UBIAD1: variants seen among roughly 807,000 people sequenced by gnomAD.
UBIAD1 encodes ubiA prenyltransferase domain-containing protein 1.
In UBIAD1, 12 loss-of-function variants were observed where a neutral mutation model predicts 20.1. That is an observed-to-expected ratio of 0.60 (90% confidence interval 0.38 to 0.97). The LOEUF (loss-of-function observed/expected upper bound fraction) is 0.97. Among genes scored for constraint, UBIAD1 ranks in the 50% least tolerant of loss-of-function variants. UBIAD1 has a pLI of 0.00. For synonymous variants in UBIAD1, 207 were observed against 189.2 expected (o/e 1.09, Z -0.77); for missense variants, 333 against 419.5 (o/e 0.79, Z 1.80).
downstream of UBIAD1, among the ~76,000 whole-genome samples, chr1:11,296,601 C>G (rs1280096520): frequency 1.3e-5 from 2 of 152,184 alleles, no homozygotes; most frequent in African/African-American, 4.8e-5. Context: ...TTACTGCAGC[C>G]TCAACCTCCC....
rs1638267506 is a variant in UBIAD1 at position 11,286,676 on chromosome 1, C to T, written c.*545C>T. 1.2e-5 allele frequency: 2 copies of T among 162,184 alleles called. No individual in the cohort carries two copies. The highest frequency in any genetic ancestry group is 3.3e-4 in the South Asian group (2 of 6,016). The allele number at this position is 162,184 out of a possible 1,614,324, so 10.0% of individuals were successfully genotyped here. A position where few individuals can be genotyped will look rare whatever the true frequency, so the allele number is the denominator to read the frequency against. ...ACAGAGAGAGTCCCTCATTAACAGC[C>T]TGTGTGGCTGTCAGCTTTTTGCCTA... On this transcript the variant is annotated 3_prime_UTR_variant, in exon 2 of 2. Coordinates refer to ENST00000376810, the MANE Select transcript of UBIAD1 (RefSeq NM_013319.3).
chr1:11,275,775 A>G (rs1252822463), intron 1 of UBIAD1, among the ~76,000 whole-genome samples: 2 of 152,164 alleles, frequency 1.3e-5, no homozygotes, highest in African/African-American at 2.4e-5. Context: ...GTTACATTGA[A>G]GGAGGTAAGA....
At chr1:11,281,095 C>T (rs939066878) in intron 1 of UBIAD1, among the ~76,000 whole-genome samples, 1 of 152,118 alleles carries the variant, frequency 6.6e-6, no homozygotes, top group African/African-American at 2.4e-5. Flanking sequence ...CCTCCTGCCC[C>T]TCCCTCAGGT....
At chr1:11,297,118 G>A (rs903553554), downstream of UBIAD1, among the ~76,000 whole-genome samples, 1 of 152,220 alleles carries the variant, frequency 6.6e-6, no homozygotes, top group Non-Finnish European at 1.5e-5. Context: ...ACTCTCTGCT[G>A]TGGTTTGAAT....
At chr1:11,296,421 G>T (rs1638449013), downstream of UBIAD1, among the ~76,000 whole-genome samples, 1 of 152,196 alleles carries the variant, frequency 6.6e-6, no homozygotes, top group African/African-American at 2.4e-5. Context: ...GATAGGATTT[G>T]CCCTGTAGGG....
chr1:11,280,949 C>G (rs960689098), intron 1 of UBIAD1, among the ~76,000 whole-genome samples: 1 of 152,154 alleles, frequency 6.6e-6, no homozygotes, highest in East Asian at 1.9e-4. Flanking sequence ...AGGGTCTTTA[C>G]AGTGACTCCC....
rs776351693 is a variant in UBIAD1 at position 11,285,724 on chromosome 1, G to A, written c.610G>A (p.Ala204Thr). ...CCCGCTGGCTGTGATGTTCGCCTAC[G>A]CCATCCAGGTGGGGTCCCTGGCCAT... ...FGPLAVMFAY[A>T]IQVGSLAIFP... Residue 204 changes from alanine (A) to threonine (T), a missense_variant, in exon 2 of 2, where the codon GCC becomes ACC. Ala to Thr is a moderately conservative substitution (Grantham distance 58). Coordinates refer to ENST00000376810, the MANE Select transcript of UBIAD1 (RefSeq NM_013319.3). This position sits in a 1 kb window ranked among gnomAD's most constrained non-coding sequence, Gnocchi z 4.4. 7 of 1,613,964 alleles carry A rather than the reference G, an allele frequency of 4.3e-6. No homozygotes were observed. In the African/African-American group the frequency reaches 5.3e-5, roughly 12 times the overall value.
In UBIAD1 at chr1:11,273,780, C is replaced by T. The variant is rs748733413; in HGVS notation, c.249C>T (p.Leu83=). ...YRSHGVLDPR[L]LVGCAVAVLA... is the part of the protein sequence containing the mutation. ...CCCACGGTGTCCTGGATCCCAGGCT[C>T]TTGGTGGGTTGTGCCGTGGCTGTCC... The change falls in exon 1 of 2, where the codon CTC becomes CTT. Residue 83 remains leucine (L), a synonymous_variant. Coordinates refer to ENST00000376810, the MANE Select transcript of UBIAD1 (RefSeq NM_013319.3). The surrounding 1 kb of genome is among the most constrained non-coding windows in gnomAD (Gnocchi z 4.9). 1.9e-6 allele frequency: 3 copies of T among 1,614,122 alleles called. No homozygotes were observed. The highest frequency in any genetic ancestry group is 1.6e-4 in the Middle Eastern group (1 of 6,062).
In UBIAD1 at chr1:11,285,549, T is replaced by C; in HGVS notation, c.530-95T>C. The C allele has an allele frequency of 6.3e-7, 1 of 1,588,474 alleles. No homozygotes were observed. Among genetic ancestry groups the C allele is most frequent in the East Asian group, 2.2e-5 (1 of 44,724 alleles). Reference sequence around the variant, plus strand: ...ACCTGCACAGTCTAAGGATTTACCATTTTCAGCCGGAAGTGGCCTGCCTCT... The same window carrying C: ...ACCTGCACAGTCTAAGGATTTACCACTTTCAGCCGGAAGTGGCCTGCCTCT... On this transcript the variant is annotated intron_variant, in intron 1 of 1. Coordinates refer to ENST00000376810, the MANE Select transcript of UBIAD1 (RefSeq NM_013319.3). This position sits in a 1 kb window ranked among gnomAD's most constrained non-coding sequence, Gnocchi z 4.4.
intron 1 of UBIAD1, among the ~76,000 whole-genome samples, chr1:11,276,782 G>A (rs1265605432): frequency 6.7e-6 from 1 of 149,186 alleles, no homozygotes; most frequent in African/African-American, 2.5e-5. Context: ...AAAACTGTAA[G>A]CAAATATTTA....
chr1:11,285,754 C>G lies in UBIAD1; in HGVS notation c.640C>G (p.Pro214Ala). The G allele has an allele frequency of 6.2e-7, 1 of 1,614,180 alleles. No homozygotes were observed. Among genetic ancestry groups the G allele is most frequent in the Non-Finnish European group, 8.5e-7 (1 of 1,180,032 alleles). The change falls in exon 2 of 2, where the codon CCA (proline) becomes GCA (alanine). Residue 214 changes from proline (P) to alanine (A), a missense_variant. Pro to Ala is a conservative substitution (Grantham distance 27, BLOSUM62 -1). Around this residue, in one of 3 missense-constraint regions of UBIAD1, gnomAD observed 226 missense variants for 263.5 expected, o/e 0.86. Coordinates refer to ENST00000376810, the MANE Select transcript of UBIAD1 (RefSeq NM_013319.3). The surrounding 1 kb of genome is among the most constrained non-coding windows in gnomAD (Gnocchi z 4.4). ...AIQVGSLAIF[P>A]LVYAIPLALS... ...CCAGGTGGGGTCCCTGGCCATCTTC[C>G]CACTGGTCTATGCCATCCCCCTCGC...
rs746947285 is a variant in UBIAD1, at chr1:11,285,798, T to C, written c.684T>C (p.Ile228=). 1.9e-6 allele frequency: 3 copies of C among 1,614,110 alleles called. No homozygotes were observed. The Admixed American group carries it at 5.0e-5, about 27-fold the overall frequency. ...AIPLALSTEA[I]LHSNNTRDME... ...CCCTCGCCCTCAGCACCGAGGCCAT[T>C]CTCCATTCCAACAACACCAGGGACA... Residue 228 remains isoleucine, a synonymous_variant, in exon 2 of 2, where the codon ATT becomes ATC. Coordinates refer to ENST00000376810, the MANE Select transcript of UBIAD1 (RefSeq NM_013319.3). The surrounding 1 kb of genome is among the most constrained non-coding windows in gnomAD (Gnocchi z 4.4).
intron 1 of UBIAD1, among the ~76,000 whole-genome samples, chr1:11,279,516 C>T (rs960602650): frequency 1.3e-5 from 2 of 152,092 alleles, no homozygotes; most frequent in Admixed American, 6.5e-5. Flanking sequence ...CTCTGCCTCC[C>T]GGGTTCAAGT....
rs138457245 is a variant in UBIAD1, at chr1:11,283,656, G to A, written c.530-1988G>A. Among the ~76,000 whole-genome samples, 1,183 of 152,242 alleles carry A rather than the reference G, an allele frequency of 7.8e-3. 21 individuals carry two copies. The highest frequency in any genetic ancestry group is 0.026 in the African/African-American group (1,085 of 41,532). ...CTTTGTTCTGAAGAACTAAGGGTGT[G>A]TATTTAGCACCAAGGGACCCCAGCT... is the stretch of plus-strand genomic sequence containing the variant. On this transcript the variant is annotated intron_variant, in intron 1 of 1. Transcript: ENST00000376810.
At chr1:11,275,929 A>G (rs1652007738) in intron 1 of UBIAD1, among the ~76,000 whole-genome samples, 2 of 152,166 alleles carry the variant, frequency 1.3e-5, no homozygotes, top group Non-Finnish European at 1.5e-5. Context: ...AGGAGAGAGT[A>G]AAGAGAGGTA....
Position 11,286,121 on chromosome 1 carries a change from C to G in UBIAD1, c.1007C>G (p.Pro336Arg), listed in dbSNP as rs968525920. 6.2e-7 allele frequency: 1 copy of G among 1,614,156 alleles called. No individual in the cohort carries two copies. Among genetic ancestry groups the G allele is most frequent in the Non-Finnish European group, 8.5e-7 (1 of 1,180,028 alleles). ...ATTCTGGCACCAGCAGGCAGTCTGCCCAAAATTTAAGGGGACAAGTAGCTC... is the reference window on the plus strand; with the variant it reads ...ATTCTGGCACCAGCAGGCAGTCTGCGCAAAATTTAAGGGGACAAGTAGCTC... ...GIILAPAGSL[P>R]KI Residue 336 changes from proline (P) to arginine (R), a missense_variant, in exon 2 of 2, where the codon CCC becomes CGC. Transcript: ENST00000376810.
chr1:11,283,851 C>G (rs749501011), intron 1 of UBIAD1, among the ~76,000 whole-genome samples: 1 of 152,154 alleles, frequency 6.6e-6, no homozygotes, highest in Non-Finnish European at 1.5e-5. Flanking sequence ...TTGGTTAGAA[C>G]TGGAGTTTGC....
rs571219100 is a variant in UBIAD1, at chr1:11,283,050, TG to T, written c.530-2590del. 3.5e-3 allele frequency among the ~76,000 whole-genome samples: 525 copies of T among 152,132 alleles called. 4 individuals are homozygous for T. Among genetic ancestry groups the T allele is most frequent in the African/African-American group, 0.012 (498 of 41,498 alleles). ...TAATTTTTTGTATTTTTAGTGGAGATGGGGTTTCTCCATGTTGGTCAGGCTG... is the reference window on the plus strand; with the variant it reads ...TAATTTTTTGTATTTTTAGTGGAGATGGGTTTCTCCATGTTGGTCAGGCTG... On this transcript the variant is annotated intron_variant, in intron 1 of 1. Coordinates refer to ENST00000376810, the MANE Select transcript of UBIAD1 (RefSeq NM_013319.3).
chr1:11,277,981 G>C (rs566231474), intron 1 of UBIAD1, among the ~76,000 whole-genome samples: 5 of 151,934 alleles, frequency 3.3e-5, no homozygotes, highest in Non-Finnish European at 5.9e-5. Flanking sequence ...GTTTGAGATG[G>C]GGGTCTTACT....
Sources: allele counts gnomAD v4.1 joint callset (sites outside exome capture counted in the v4.1 genomes callset), GRCh38; gene constraint gnomAD v4.1.1; regional missense constraint gnomAD v4.1.1; non-coding constraint Gnocchi (gnomAD v3.1); transcripts MANE v1.5; gene names NCBI Gene and HGNC (gene_info 2026-07-23, HGNC 2026-07-21).